Variants in SLC9A9 observed in about 807,000 individuals in gnomAD.
The protein encoded by SLC9A9 is sodium/hydrogen exchanger 9.
In SLC9A9, 62 loss-of-function variants were observed where a neutral mutation model predicts 77.8. The ratio of observed to expected loss-of-function variants is 0.80; its 90% CI spans 0.65 to 0.98. SLC9A9 has a LOEUF of 0.98. SLC9A9 is among the 50% of genes least tolerant of loss of function. SLC9A9 has a pLI of 0.00. For missense variants in SLC9A9, 775 were observed against 774.9 expected, an observed-to-expected ratio of 1.00 and a Z score of 0.00; for synonymous variants, 320 against 283.5, an observed-to-expected ratio of 1.13 and a Z score of -1.29.
rs181026470 is a variant in SLC9A9 at position 143,461,333 on chromosome 3, C to T, written c.1469+5704G>A. Among the ~76,000 whole-genome samples the T allele has an allele frequency of 3.9e-3, 593 of 152,194 alleles. 2 individuals carry two copies. The highest frequency in any genetic ancestry group is 5.8e-3 in the Non-Finnish European group (396 of 67,982). On this transcript the variant is annotated intron_variant, in intron 12 of 15. Coordinates refer to ENST00000316549, the MANE Select transcript of SLC9A9 (RefSeq NM_173653.4). ...TACTATGGAAAATGGTCTAAACCTT[C>T]CAGAGACTATTTCTATTTCCCATGT...
rs563558604 is a variant in SLC9A9 at position 143,651,310 on chromosome 3, A to T, written c.755+945T>A. On this transcript the variant is annotated intron_variant, in intron 6 of 15. Coordinates refer to ENST00000316549, the MANE Select transcript of SLC9A9 (RefSeq NM_173653.4). ...ATAAGTATATTTGGAGACACACTTG[A>T]AAATTGTTGAATTCACTGTCAACTT... 3.3e-5 allele frequency among the ~76,000 whole-genome samples: 5 copies of T among 152,294 alleles called. No individual in the cohort carries two copies. In the South Asian group the frequency reaches 1.0e-3, roughly 32 times the overall value.
At chr3:143,468,155 G>A (rs565779537) in intron 11 of SLC9A9, among the ~76,000 whole-genome samples, 4 of 152,164 alleles carry the variant, frequency 2.6e-5, no homozygotes, top group Admixed American at 6.5e-5. Context: ...TTGTGTGAAC[G>A]TAAGTTTTCA....
At chr3:143,774,838 C>T (rs903822903) in intron 4 of SLC9A9, among the ~76,000 whole-genome samples, 1 of 152,200 alleles carries the variant, frequency 6.6e-6, no homozygotes, top group South Asian at 2.1e-4. Context: ...ACCCAGTGCG[C>T]TCCCCTGCCC....
At chr3:143,301,397 G>A (rs2030508225) in intron 14 of SLC9A9, among the ~76,000 whole-genome samples, 1 of 152,186 alleles carries the variant, frequency 6.6e-6, no homozygotes, top group South Asian at 2.1e-4. Context: ...TCAGCAAGAG[G>A]GCGGAAATGA....
chr3:143,436,926 T>G (rs555509136), intron 12 of SLC9A9, among the ~76,000 whole-genome samples: 1 of 152,334 alleles, frequency 6.6e-6, no homozygotes, highest in South Asian at 2.1e-4. Flanking sequence ...CACTTTCTTC[T>G]CAAGGCCTTC....
intron 14 of SLC9A9, among the ~76,000 whole-genome samples, chr3:143,303,172 G>A (rs1407082670): frequency 6.6e-6 from 1 of 152,308 alleles, no homozygotes; most frequent in Non-Finnish European, 1.5e-5. Flanking sequence ...AATTAGAGAG[G>A]CCCACCTGGA....
intron 2 of SLC9A9, among the ~76,000 whole-genome samples, chr3:143,816,128 C>T (rs1412917840): frequency 6.6e-6 from 1 of 152,192 alleles, no homozygotes; most frequent in Non-Finnish European, 1.5e-5. Context: ...GAAGTCAGTG[C>T]CCTTTCCTTC....
intron 12 of SLC9A9, among the ~76,000 whole-genome samples, chr3:143,456,144 T>G (rs924572849): frequency 1.1e-4 from 17 of 152,134 alleles, no homozygotes; most frequent in African/African-American, 3.9e-4. Context: ...TTAAATGCTT[T>G]TTCTGCATCT....
chr3:143,591,420 A>G (rs1403536727), intron 6 of SLC9A9, among the ~76,000 whole-genome samples: 1 of 152,230 alleles, frequency 6.6e-6, no homozygotes, highest in African/African-American at 2.4e-5. Context: ...TATCAAAGGA[A>G]GTTTTGCTTC....
chr3:143,390,675 AG>A (rs2033540426), intron 12 of SLC9A9, among the ~76,000 whole-genome samples: 1 of 152,208 alleles, frequency 6.6e-6, no homozygotes, highest in Non-Finnish European at 1.5e-5. Context: ...GGGAAGTGCA[AG>A]GGGTCAGAGA....
intron 2 of SLC9A9, among the ~76,000 whole-genome samples, chr3:143,804,441 C>A (rs1001851861): frequency 2.0e-5 from 3 of 152,154 alleles, no homozygotes; most frequent in Non-Finnish European, 4.4e-5. Flanking sequence ...AGCAGTTACC[C>A]CATCAGTCCC....
chr3:143,542,391 T>C (rs1002995651), intron 9 of SLC9A9, among the ~76,000 whole-genome samples: 1 of 152,224 alleles, frequency 6.6e-6, no homozygotes, highest in Non-Finnish European at 1.5e-5. Flanking sequence ...TTTATGAAGA[T>C]ATCTTTGATC....
intron 11 of SLC9A9, among the ~76,000 whole-genome samples, chr3:143,484,550 A>G (rs572766186): frequency 1.3e-5 from 2 of 152,284 alleles, no homozygotes; most frequent in East Asian, 3.9e-4. Context: ...ATGGGGGTCA[A>G]TGGGTGCAGA....
At chr3:143,317,641 T>TAAAAGAA (rs2031259459) in intron 14 of SLC9A9, among the ~76,000 whole-genome samples, 1 of 150,464 alleles carries the variant, frequency 6.6e-6, no homozygotes, top group African/African-American at 2.5e-5. Flanking sequence ...AGTGTCTGTC[T>TAAAAGAA]ACAAATTTCC....
chr3:143,775,774 A>T (rs974710024), intron 4 of SLC9A9, among the ~76,000 whole-genome samples: 5 of 152,234 alleles, frequency 3.3e-5, no homozygotes, highest in Admixed American at 2.0e-4. Flanking sequence ...AAATCCGCAA[A>T]TAATTTTACC....
At chr3:143,558,629 T>C (rs150130893) in intron 8 of SLC9A9, among the ~76,000 whole-genome samples, 3 of 152,296 alleles carry the variant, frequency 2.0e-5, no homozygotes, top group South Asian at 2.1e-4. Context: ...ACCTCCTTTG[T>C]TTTGGCCAAT....
chr3:143,662,996 C>A (rs2108757542), intron 5 of SLC9A9, among the ~76,000 whole-genome samples: 1 of 152,294 alleles, frequency 6.6e-6, no homozygotes, highest in East Asian at 1.9e-4. Flanking sequence ...TCAAGTGGGT[C>A]CCTGACCCCC....
At chr3:143,600,803 T>G (rs2037834443) in intron 6 of SLC9A9, among the ~76,000 whole-genome samples, 1 of 152,236 alleles carries the variant, frequency 6.6e-6, no homozygotes, top group African/African-American at 2.4e-5. Flanking sequence ...AAACATTTTC[T>G]CCACAAATGT....
At chr3:143,848,027 A>G (rs538093934) in intron 1 of SLC9A9, 121 bp downstream of exon 1, 18 of 1,051,420 alleles carry the variant, frequency 1.7e-5, no homozygotes, top group Non-Finnish European at 2.3e-5. Flanking sequence ...ACCTTTCATC[A>G]AACTAATGAC....
Sources: gnomAD v4.1 joint callset for allele counts (sites outside exome capture counted in the v4.1 genomes callset) on GRCh38, gnomAD v4.1.1 for gene constraint, MANE v1.5 for transcripts, NCBI Gene and HGNC (gene_info 2026-07-23, HGNC 2026-07-21) for gene names.